DSG4: variants seen among roughly 807,000 people sequenced by gnomAD.
DSG4 encodes the protein desmoglein 4.
DSG4 carries 87 observed loss-of-function variants against 93.1 expected under a neutral mutation model. The ratio of observed to expected loss-of-function variants is 0.93; its 90% CI spans 0.79 to 1.12. DSG4 has a LOEUF of 1.12. DSG4 is among the 50% of genes most tolerant of loss of function. The pLI is 0.00. For missense variants in DSG4, 1,373 were observed against 1,285.7 expected, an observed-to-expected ratio of 1.07 and a Z score of -1.04; for synonymous variants, 432 against 452.9, an observed-to-expected ratio of 0.95 and a Z score of 0.59.
chr18:31,414,717 T>G lies in DSG4; in HGVS notation c.*1122T>G, dbSNP rs1187039511. ...GTGTTTCTCTTTGCAACACTACTGTTTATGTTGAATAAATAAAATGGAAAC... is the reference window on the plus strand; with the variant it reads ...GTGTTTCTCTTTGCAACACTACTGTGTATGTTGAATAAATAAAATGGAAAC... On this transcript the variant is annotated 3_prime_UTR_variant, in exon 16 of 16. Coordinates refer to ENST00000308128, the MANE Select transcript of DSG4 (RefSeq NM_177986.5). 1 of 152,214 alleles carries G rather than the reference T, an allele frequency of 6.6e-6. No homozygotes were observed. The highest frequency in any genetic ancestry group is 2.4e-5 in the African/African-American group (1 of 41,464). 9.4% of individuals were successfully genotyped at this position (152,214 alleles called of 1,614,324 possible).
intron 5 of DSG4, among the ~76,000 whole-genome samples, chr18:31,389,997 C>T (rs1172895167): frequency 6.6e-6 from 1 of 152,186 alleles, no homozygotes; most frequent in African/African-American, 2.4e-5. Flanking sequence ...AGCAAAAGAA[C>T]ATCAGGGACC....
At position 31,385,190 on chromosome 18, in the gene DSG4, A is replaced by G; in HGVS notation, c.84+19A>G. The G allele has an allele frequency of 6.5e-7, 1 of 1,532,624 alleles. No individual in the cohort carries two copies. The highest frequency in any genetic ancestry group is 8.9e-7 in the Non-Finnish European group (1 of 1,121,340). The allele number at this position is 1,532,624 out of a possible 1,614,324, so 94.9% of individuals were successfully genotyped here. A position where few individuals can be genotyped will look rare whatever the true frequency, so the allele number is the denominator to read the frequency against. ...TGTTGAGGTAATGTAAAATAAAATT[A>G]TTTTCTCAATTTAAAATTAAAACAA... On this transcript the variant is annotated intron_variant, in intron 2 of 15. Transcript: ENST00000308128.
chr18:31,378,468 G>A (rs2072100827), intron 1 of DSG4, among the ~76,000 whole-genome samples: 1 of 152,126 alleles, frequency 6.6e-6, no homozygotes, highest in Non-Finnish European at 1.5e-5. Flanking sequence ...ATTGCCTTCT[G>A]CACAGGCATG....
At chr18:31,397,612 CA>C (rs1404519915) in intron 8 of DSG4, among the ~76,000 whole-genome samples, 1 of 152,034 alleles carries the variant, frequency 6.6e-6, no homozygotes. Flanking sequence ...CAACTTTAGA[CA>C]CATGTTGGTA....
Position 31,388,496 on chromosome 18 carries a change from G to A in DSG4, c.346G>A (p.Asp116Asn), listed in dbSNP as rs769442408. 6.8e-6 allele frequency: 11 copies of A among 1,613,466 alleles called. No individual in the cohort carries two copies. The highest frequency in any genetic ancestry group is 9.3e-6 in the Non-Finnish European group (11 of 1,179,558). ...GGAAATTAACATCACTTCAGTGGTA[G>A]ACAGAGAAATAACTCCACTTTTCTT... ...TGEINITSVV[D>N]REITPLFLIY... Residue 116 changes from aspartate to asparagine, a missense_variant, in exon 4 of 16, where the codon GAC (aspartate) becomes AAC (asparagine). Coordinates refer to ENST00000308128, the MANE Select transcript of DSG4 (RefSeq NM_177986.5).
In DSG4 at chr18:31,395,538, A is replaced by T. The variant is rs548684923; in HGVS notation, c.1005+3198A>T. Among the ~76,000 whole-genome samples, 4 of 151,818 alleles carry T rather than the reference A, an allele frequency of 2.6e-5. No individual in the cohort carries two copies. In the East Asian group the frequency reaches 5.8e-4, roughly 22 times the overall value. ...TAAGCGTAATTTTCCCATGTTTGAC[A>T]TTTTCAACAGCTGGTGGTCAGCCTC... is the stretch of plus-strand genomic sequence containing the variant. On this transcript the variant is annotated intron_variant, in intron 8 of 15. Transcript: ENST00000308128.
chr18:31,378,949 A>C (rs1009849096), intron 1 of DSG4, among the ~76,000 whole-genome samples: 3 of 152,120 alleles, frequency 2.0e-5, no homozygotes, highest in Admixed American at 2.0e-4. Flanking sequence ...AGCTTACACT[A>C]ATGAGGGTGT....
chr18:31,406,423 T>G (rs1225489975), intron 12 of DSG4, 50 bp downstream of exon 12: 2 of 1,610,152 alleles, frequency 1.2e-6, no homozygotes, highest in Non-Finnish European at 1.7e-6. Flanking sequence ...AAAATAGGGC[T>G]GTTACGAGGC....
chr18:31,385,410 G>A (rs1442924032), intron 2 of DSG4, among the ~76,000 whole-genome samples: 4 of 152,096 alleles, frequency 2.6e-5, no homozygotes, highest in African/African-American at 9.7e-5. Context: ...CAAACTATAT[G>A]AGTAGTTTAT....
intron 1 of DSG4, among the ~76,000 whole-genome samples, chr18:31,378,169 A>T (rs1333054321): frequency 6.6e-6 from 1 of 152,258 alleles, no homozygotes; most frequent in Non-Finnish European, 1.5e-5. Flanking sequence ...ATTATTAAAC[A>T]ATACCATTTT....
chr18:31,406,210 T>C lies in DSG4; in HGVS notation c.1770T>C (p.Asp590=), dbSNP rs140290901. ...QMVQLYACDC[D]DNHMCLDSGA... ...TGCAGTTATATGCCTGTGATTGCGA[T>C]GACAACCACATGTGCCTGGACTCTG... Residue 590 remains aspartate (D), a synonymous_variant, in exon 12 of 16, where the codon GAT becomes GAC. Coordinates refer to ENST00000308128, the MANE Select transcript of DSG4 (RefSeq NM_177986.5). 14 of 1,614,166 alleles carry C rather than the reference T, an allele frequency of 8.7e-6. No homozygotes were observed. Among genetic ancestry groups the C allele is most frequent in the South Asian group, 3.3e-5 (3 of 91,078 alleles).
intron 7 of DSG4, among the ~76,000 whole-genome samples, chr18:31,391,573 C>G (rs1185108513): frequency 2.6e-5 from 4 of 152,040 alleles, no homozygotes; most frequent in African/African-American, 7.2e-5. Flanking sequence ...GAGTCCCAGA[C>G]AGTCTCAACT....
chr18:31,410,361 T>C (rs2072473231), intron 14 of DSG4, among the ~76,000 whole-genome samples: 1 of 150,850 alleles, frequency 6.6e-6, no homozygotes, highest in Admixed American at 6.6e-5. Flanking sequence ...TACATACATA[T>C]ATTGTATAGA....
At chr18:31,390,908 A>G (rs778244227) in intron 6 of DSG4, 86 bp downstream of exon 6, 164 of 1,532,662 alleles carry the variant, frequency 1.1e-4, no homozygotes, top group Non-Finnish European at 1.4e-4. Flanking sequence ...CCCTTACTCC[A>G]ATATAAAGGA....
Position 31,413,047 on chromosome 18 carries a change from C to T in DSG4, c.2575C>T (p.Gln859Ter). ...AGAAATTGAACCATTTCCTTCACAC[C>T]AGGCTTGTATACCAATCAGTACTGA... ...NTEIEPFPSHQACIPISTDLP... is the reference protein window; with the variant it reads ...NTEIEPFPSH The change falls in exon 16 of 16, where the codon CAG becomes TAG. Residue 859 changes from glutamine (Q) to a stop codon, truncating the protein, a stop_gained. Transcript: ENST00000308128. LOFTEE classifies it low-confidence loss of function (END_TRUNC). 1.2e-6 allele frequency: 2 copies of T among 1,614,146 alleles called. No homozygotes were observed. Among genetic ancestry groups the T allele is most frequent in the Non-Finnish European group, 1.7e-6 (2 of 1,180,030 alleles).
Position 31,409,844 on chromosome 18 carries a change from T to C in DSG4, c.2137+36T>C, listed in dbSNP as rs78420848. 2.4e-4 allele frequency: 386 copies of C among 1,612,128 alleles called. 4 individuals carry two copies. In the East Asian group the frequency reaches 8.4e-3, roughly 35 times the overall value. On this transcript the variant is annotated intron_variant, in intron 14 of 15. Coordinates refer to ENST00000308128, the MANE Select transcript of DSG4 (RefSeq NM_177986.5). ...ACCAAAATCTGTTTTTCCTTTTAAA[T>C]TTTTCAAAATTATTCAACCAGACCA...
chr18:31,396,350 A>G (rs1013358598), intron 8 of DSG4, among the ~76,000 whole-genome samples: 1 of 117,612 alleles, frequency 8.5e-6, no homozygotes, highest in Non-Finnish European at 1.7e-5. Context: ...AAATAGGGTC[A>G]TTGCTTTTTT....
At chr18:31,377,725 G>A (rs2072091526) in intron 1 of DSG4, among the ~76,000 whole-genome samples, 1 of 152,190 alleles carries the variant, frequency 6.6e-6, no homozygotes, top group Admixed American at 6.6e-5. Context: ...CAAAGTTCCA[G>A]TTGGCCAATC....
At chr18:31,382,352 T>A (rs768489360) in intron 1 of DSG4, 1 of 152,252 alleles carries the variant, frequency 6.6e-6, no homozygotes, top group African/African-American at 2.4e-5. Context: ...CTCAACTGAT[T>A]GCTCACAGCC....
Sources: gnomAD v4.1 joint callset for allele counts (sites outside exome capture counted in the v4.1 genomes callset) on GRCh38, gnomAD v4.1.1 for gene constraint, MANE v1.5 for transcripts, NCBI Gene and HGNC (gene_info 2026-07-23, HGNC 2026-07-21) for gene names.